The following TENM2 variants were observed in gnomAD, a reference collection of about 807,000 sequenced individuals.
TENM2 encodes teneurin-2.
In TENM2, 52 loss-of-function variants were observed where a neutral mutation model predicts 245.2. The observed-to-expected ratio is 0.21, with a 90% confidence interval of 0.17 to 0.27. TENM2 has a LOEUF of 0.27. TENM2 is among the 10% of genes least tolerant of loss of function. The probability of loss-of-function intolerance (pLI) is 1.00; values close to 1 mark genes in which losing one functional copy is unlikely to be tolerated. For missense variants in TENM2, 3,046 were observed against 3,666.8 expected (o/e 0.83, Z 4.37); for synonymous variants, 1,363 against 1,438.9 (o/e 0.95, Z 1.19).
intron 2 of TENM2, among the ~76,000 whole-genome samples, chr5:167,484,341 A>G (rs531869422): frequency 6.6e-6 from 1 of 152,314 alleles, no homozygotes; most frequent in East Asian, 1.9e-4. Context: ...CAGTGAGGTC[A>G]TTAGGGTGGA....
chr5:167,031,147 GACAA>G, the TENM2 span, among the ~76,000 whole-genome samples: 1 of 152,144 alleles, frequency 6.6e-6, no homozygotes, highest in Non-Finnish European at 1.5e-5. Flanking sequence ...CTGAGATCCA[GACAA>G]AAGGCAAGAT....
chr5:167,321,798 T>TTTTTTTTTG lies in TENM2; in HGVS notation c.226+36738_226+36739insTTTTTGTTT, dbSNP rs1400841938. Among the ~76,000 whole-genome samples the TTTTTTTTTG allele has an allele frequency of 4.7e-4, 11 of 23,196 alleles. 3 individuals are homozygous for TTTTTTTTTG. Among genetic ancestry groups the TTTTTTTTTG allele is most frequent in the East Asian group, 3.2e-3 (2 of 634 alleles). 15.2% of individuals were successfully genotyped at this position (23,196 alleles called of 152,430 possible). A position where few individuals can be genotyped will look rare whatever the true frequency, so the allele number is the denominator to read the frequency against. On this transcript the variant is annotated intron_variant, in intron 1 of 28. Transcript: ENST00000518659. ...CTGCCTTGGCTTATTTTTTTTTTTT[T>TTTTTTTTTG]TTTGGGGGGGGGGGCGGGGGGGGGG... is the stretch of plus-strand genomic sequence containing the variant.
rs561752335 is a variant in TENM2 at position 167,468,415 on chromosome 5, A to G, written c.502+92942A>G. Among the ~76,000 whole-genome samples the G allele has an allele frequency of 4.5e-4, 68 of 152,328 alleles. No homozygotes were observed. The East Asian group carries it at 5.8e-3, about 13-fold the overall frequency. On this transcript the variant is annotated intron_variant, in intron 2 of 28. Coordinates refer to ENST00000518659, the Ensembl canonical transcript of TENM2. The stretch of plus-strand genomic sequence containing the variant: ...GTGAATTTTAATAATTAGAAATGGG[A>G]AAAGGAGGAAAAACAAAACTTCAGG...
At chr5:167,553,448 G>A (rs193173889) in intron 2 of TENM2, among the ~76,000 whole-genome samples, 19 of 152,318 alleles carry the variant, frequency 1.2e-4, no homozygotes, top group Non-Finnish European at 2.4e-4. Flanking sequence ...GACAGCATAG[G>A]AAGTCATCTA....
chr5:167,117,332 T>C, the TENM2 span, among the ~76,000 whole-genome samples: 1 of 152,000 alleles, frequency 6.6e-6, no homozygotes, highest in Non-Finnish European at 1.5e-5. Flanking sequence ...TGAAACCCCA[T>C]CTCTACTAAA....
intron 2 of TENM2, among the ~76,000 whole-genome samples, chr5:167,422,162 G>A (rs138549964): frequency 2.6e-5 from 4 of 152,242 alleles, no homozygotes; most frequent in South Asian, 4.1e-4. Context: ...ACAAGTAAAC[G>A]TCGTATTTGT....
At chr5:167,230,244 C>G in the TENM2 span, among the ~76,000 whole-genome samples, 1 of 152,134 alleles carries the variant, frequency 6.6e-6, no homozygotes, top group South Asian at 2.1e-4. Flanking sequence ...GGAGCTCTCA[C>G]CTGACTAGGA....
chr5:167,258,825 T>C, the TENM2 span, among the ~76,000 whole-genome samples: 1 of 152,192 alleles, frequency 6.6e-6, no homozygotes, highest in African/African-American at 2.4e-5. Context: ...TTTGTTCCTC[T>C]ATTTTAATAT....
chr5:167,867,779 C>G (rs964625816), intron 2 of TENM2, among the ~76,000 whole-genome samples: 1 of 152,192 alleles, frequency 6.6e-6, no homozygotes, highest in Admixed American at 6.5e-5. Context: ...CTCTGAATCT[C>G]CTGCCTCCAT....
chr5:167,617,988 CATTA>C (rs1487326857), intron 2 of TENM2, among the ~76,000 whole-genome samples: 1 of 152,096 alleles, frequency 6.6e-6, no homozygotes, highest in Non-Finnish European at 1.5e-5. Context: ...TGAAATTGCT[CATTA>C]ATTGTCATTG....
chr5:167,310,523 A>G (rs922146189), intron 1 of TENM2, among the ~76,000 whole-genome samples: 1 of 152,258 alleles, frequency 6.6e-6, no homozygotes, highest in Non-Finnish European at 1.5e-5. Flanking sequence ...TGTTTCTTTC[A>G]GAGAAAACTT....
chr5:167,463,314 C>A (rs1766439395), intron 2 of TENM2, among the ~76,000 whole-genome samples: 1 of 152,140 alleles, frequency 6.6e-6, no homozygotes, highest in South Asian at 2.1e-4. Flanking sequence ...AGAATTCCAA[C>A]CCAAGGTTAT....
chr5:167,285,685 G>A (rs887910664), intron 1 of TENM2, among the ~76,000 whole-genome samples: 2 of 152,188 alleles, frequency 1.3e-5, no homozygotes, highest in East Asian at 3.9e-4. Flanking sequence ...GCATCAACAC[G>A]TAGAATAAAG....
At chr5:167,783,268 C>G (rs1485837931) in intron 2 of TENM2, among the ~76,000 whole-genome samples, 2 of 151,574 alleles carry the variant, frequency 1.3e-5, no homozygotes, top group East Asian at 2.0e-4. Flanking sequence ...GGGTTCAGCC[C>G]ACCTAGCAAG....
chr5:167,690,838 C>T (rs1175863970), intron 2 of TENM2, among the ~76,000 whole-genome samples: 2 of 151,982 alleles, frequency 1.3e-5, no homozygotes, highest in Non-Finnish European at 2.9e-5. Flanking sequence ...CACGCAATCA[C>T]ACACACATAT....
At chr5:168,222,438 GAT>G (rs1444443984) in intron 23 of TENM2, among the ~76,000 whole-genome samples, 3 of 152,336 alleles carry the variant, frequency 2.0e-5, no homozygotes, top group Middle Eastern at 3.4e-3. Context: ...GCAAATGTCA[GAT>G]CAAAGGAAAA....
chr5:167,536,938 C>T (rs556867576), intron 2 of TENM2, among the ~76,000 whole-genome samples: 10 of 151,966 alleles, frequency 6.6e-5, no homozygotes, highest in South Asian at 2.1e-4. Context: ...GCAGGAGAAT[C>T]GCTTGAACCC....
the TENM2 span, among the ~76,000 whole-genome samples, chr5:167,234,887 C>CT: frequency 6.6e-6 from 1 of 152,092 alleles, no homozygotes; most frequent in East Asian, 1.9e-4. Context: ...TCCTCTCTAC[C>CT]TTGTATGGTT....
At chr5:167,666,461 A>G (rs957799639) in intron 2 of TENM2, among the ~76,000 whole-genome samples, 6 of 152,226 alleles carry the variant, frequency 3.9e-5, no homozygotes, top group African/African-American at 1.4e-4. Flanking sequence ...CATCTGCAGA[A>G]TGGAAACAAA....
Sources: gnomAD v4.1 joint callset for allele counts (sites outside exome capture counted in the v4.1 genomes callset) on GRCh38, gnomAD v4.1.1 for gene constraint, MANE v1.5 for transcripts, NCBI Gene and HGNC (gene_info 2026-07-23, HGNC 2026-07-21) for gene names.